The following EPB41L4B variants were observed in gnomAD, a reference collection of about 807,000 sequenced individuals.
The protein encoded by EPB41L4B is band 4.1-like protein 4B.
Under a neutral mutation model 112.5 loss-of-function variants are expected in EPB41L4B, and 30 were observed. The ratio of observed to expected loss-of-function variants is 0.27; its 90% CI spans 0.20 to 0.36. EPB41L4B has a LOEUF of 0.36. EPB41L4B is among the 10% of genes least tolerant of loss of function. The probability of loss-of-function intolerance (pLI) is 1.00; values close to 1 mark genes in which losing one functional copy is unlikely to be tolerated. For synonymous variants in EPB41L4B, 408 were observed against 439.7 expected, an observed-to-expected ratio of 0.93 and a Z score of 0.90; for missense variants, 1,024 against 1,133.3, an observed-to-expected ratio of 0.90 and a Z score of 1.38.
intron 20 of EPB41L4B, among the ~76,000 whole-genome samples, chr9:109,198,448 CA>C (rs1193160752): frequency 2.0e-5 from 3 of 152,202 alleles, no homozygotes; most frequent in Admixed American, 6.5e-5. Context: ...ATCAAACAGT[CA>C]CTTTTCCAAG....
intron 2 of EPB41L4B, among the ~76,000 whole-genome samples, chr9:109,269,449 T>C (rs1835530764): frequency 6.6e-6 from 1 of 152,126 alleles, no homozygotes; most frequent in South Asian, 2.1e-4. Flanking sequence ...CCACTTAACT[T>C]CCATGGAGAA....
chr9:109,279,724 CTT>C, intron 2 of EPB41L4B, 91 bp downstream of exon 2: 1 of 1,095,514 alleles, frequency 9.1e-7, no homozygotes, highest in East Asian at 2.4e-5. Flanking sequence ...CAGTTTTAGT[CTT>C]GTTTTTCTCT....
chr9:109,233,319 T>C (rs1001836685), intron 15 of EPB41L4B, among the ~76,000 whole-genome samples: 1 of 152,138 alleles, frequency 6.6e-6, no homozygotes, highest in Non-Finnish European at 1.5e-5. Context: ...CATCCTTCCT[T>C]GGTCAATGCA....
intron 12 of EPB41L4B, among the ~76,000 whole-genome samples, chr9:109,252,261 T>C (rs957778628): frequency 1.3e-5 from 2 of 152,106 alleles, no homozygotes; most frequent in African/African-American, 4.8e-5. Flanking sequence ...CTTTGGAAAA[T>C]TGTTCCTTAC....
intron 20 of EPB41L4B, among the ~76,000 whole-genome samples, chr9:109,199,681 T>C (rs924919196): frequency 6.6e-6 from 1 of 152,034 alleles, no homozygotes; most frequent in Non-Finnish European, 1.5e-5. Context: ...AGAAAAAAAG[T>C]GATGGGATGT....
intron 13 of EPB41L4B, among the ~76,000 whole-genome samples, chr9:109,248,730 C>G (rs909901112): frequency 6.6e-6 from 1 of 152,066 alleles, no homozygotes; most frequent in Non-Finnish European, 1.5e-5. Context: ...TAGGCATGAG[C>G]CACTGTGCTT....
At chr9:109,196,918 T>C (rs1433535617) in intron 20 of EPB41L4B, among the ~76,000 whole-genome samples, 1 of 152,156 alleles carries the variant, frequency 6.6e-6, no homozygotes, top group Non-Finnish European at 1.5e-5. Context: ...AATGTTACAA[T>C]GCTTTTGGTG....
chr9:109,302,905 CT>C (rs1307081779), intron 1 of EPB41L4B, among the ~76,000 whole-genome samples: 1 of 151,848 alleles, frequency 6.6e-6, no homozygotes, highest in Non-Finnish European at 1.5e-5. Context: ...AAAGATTAAG[CT>C]TACATTTTAT....
At chr9:109,282,756 T>C (rs1836116784) in intron 1 of EPB41L4B, among the ~76,000 whole-genome samples, 1 of 152,042 alleles carries the variant, frequency 6.6e-6, no homozygotes, top group Non-Finnish European at 1.5e-5. Flanking sequence ...AGTGGTGCAA[T>C]CTTGACTCAC....
At chr9:109,209,798 T>A (rs555704630) in intron 17 of EPB41L4B, among the ~76,000 whole-genome samples, 1 of 152,334 alleles carries the variant, frequency 6.6e-6, no homozygotes, top group African/African-American at 2.4e-5. Flanking sequence ...TCAAGATAAC[T>A]ACTATCATTA....
At chr9:109,247,309 C>T (rs1268848849) in intron 14 of EPB41L4B, among the ~76,000 whole-genome samples, 1 of 151,994 alleles carries the variant, frequency 6.6e-6, no homozygotes, top group Admixed American at 6.6e-5. Flanking sequence ...TCAGTGGACA[C>T]TGTAAAATCC....
intron 1 of EPB41L4B, among the ~76,000 whole-genome samples, chr9:109,293,708 A>C (rs973054228): frequency 3.3e-5 from 5 of 151,648 alleles, no homozygotes; most frequent in African/African-American, 7.3e-5. Context: ...TAAAAAAAAA[A>C]AAAAAAAAAA....
intron 1 of EPB41L4B, among the ~76,000 whole-genome samples, chr9:109,318,882 C>T (rs2119302547): frequency 6.6e-6 from 1 of 152,306 alleles, no homozygotes; most frequent in Admixed American, 6.5e-5. Context: ...TCTCGAAATT[C>T]AGCCTACACC....
intron 15 of EPB41L4B, among the ~76,000 whole-genome samples, chr9:109,242,286 G>A (rs1157448834): frequency 6.6e-6 from 1 of 152,162 alleles, no homozygotes; most frequent in East Asian, 1.9e-4. Flanking sequence ...CTGGGGTGGG[G>A]CTGAGAATTT....
chr9:109,242,061 T>G (rs548676561), intron 15 of EPB41L4B, among the ~76,000 whole-genome samples: 6 of 152,340 alleles, frequency 3.9e-5, no homozygotes, highest in Admixed American at 2.0e-4. Context: ...GGGTGTCTCA[T>G]GGGTCAAGTC....
chr9:109,295,301 A>G (rs1836695151), intron 1 of EPB41L4B, among the ~76,000 whole-genome samples: 1 of 152,158 alleles, frequency 6.6e-6, no homozygotes, highest in Non-Finnish European at 1.5e-5. Flanking sequence ...TTTCTACCCA[A>G]GCTAATTTTA....
chr9:109,174,678 C>G (rs1162155385), intron 25 of EPB41L4B, 55 bp from the exon 26 acceptor site: 3 of 1,496,084 alleles, frequency 2.0e-6, no homozygotes, highest in East Asian at 2.3e-5. Flanking sequence ...ATTGCAGAAG[C>G]AGACAGCTTA....
In EPB41L4B at chr9:109,247,755, C is replaced by A; in HGVS notation, c.1344+1G>T. On this transcript the variant is annotated splice_donor_variant, in intron 14 of 25. Transcript: ENST00000374566. LOFTEE classifies it high-confidence loss of function. ...GAAAACCTTTAAAAGCAGTATCTTA[C>A]CTGGTAATTATGGACTTCTGGATTT... 6.7e-7 allele frequency: 1 copy of A among 1,483,612 alleles called. No homozygotes were observed. Among genetic ancestry groups the A allele is most frequent in the Non-Finnish European group, 9.0e-7 (1 of 1,115,890 alleles). The allele number at this position is 1,483,612 out of a possible 1,614,324, so 91.9% of individuals were successfully genotyped here.
chr9:109,228,706 G>A (rs1300470579), intron 15 of EPB41L4B, among the ~76,000 whole-genome samples: 2 of 152,170 alleles, frequency 1.3e-5, no homozygotes, highest in Non-Finnish European at 2.9e-5. Context: ...CCTCAAAACT[G>A]GGTGTCATTA....
Sources: gnomAD v4.1 joint callset for allele counts (sites outside exome capture counted in the v4.1 genomes callset) on GRCh38, gnomAD v4.1.1 for gene constraint, MANE v1.5 for transcripts, NCBI Gene and HGNC (gene_info 2026-07-23, HGNC 2026-07-21) for gene names.